UNC79: variants seen among roughly 807,000 people sequenced by gnomAD.
UNC79 encodes protein unc-79 homolog.
UNC79 carries 37 observed loss-of-function variants against 283.1 expected under a neutral mutation model. The ratio of observed to expected loss-of-function variants is 0.13; its 90% CI spans 0.10 to 0.17. The LOEUF is 0.17. UNC79 is among the 10% of genes least tolerant of loss of function. UNC79 has a pLI of 1.00. For synonymous variants in UNC79, 1,107 were observed against 1,200.2 expected (o/e 0.92, Z 1.61); for missense variants, 2,272 against 3,211.1 (o/e 0.71, Z 7.07).
intron 14 of UNC79, among the ~76,000 whole-genome samples, chr14:93,562,492 G>A (rs2062622613): frequency 6.6e-6 from 1 of 152,164 alleles, no homozygotes; most frequent in African/African-American, 2.4e-5. Context: ...CTCTAATTCT[G>A]AGAAGGGCAA....
chr14:93,653,946 C>G, exon 37 of UNC79: 1 of 1,614,130 alleles, frequency 6.2e-7, no homozygotes, highest in Non-Finnish European at 8.5e-7. Context: ...CCAGATGGGA[C>G]TTTTTTACGG....
intron 33 of UNC79, 79 bp from the exon 37 acceptor site, chr14:93,643,478 C>T (rs985329533): frequency 6.2e-7 from 1 of 1,606,180 alleles, no homozygotes; most frequent in Middle Eastern, 2.2e-4. Flanking sequence ...CTACTAAAAA[C>T]AGCCGTGTGT....
At chr14:93,449,997 G>A (rs574032569) in intron 1 of UNC79, among the ~76,000 whole-genome samples, 2 of 152,266 alleles carry the variant, frequency 1.3e-5, no homozygotes, top group African/African-American at 2.4e-5. Context: ...GAAGATGTGC[G>A]AAACAGTCTC....
chr14:93,671,161 T>G (rs2072807557), intron 40 of UNC79, among the ~76,000 whole-genome samples: 1 of 152,180 alleles, frequency 6.6e-6, no homozygotes, highest in African/African-American at 2.4e-5. Flanking sequence ...CAAAGATATA[T>G]TGCAGTGAGT....
chr14:93,523,576 C>T (rs1422232112), intron 7 of UNC79, among the ~76,000 whole-genome samples: 1 of 152,144 alleles, frequency 6.6e-6, no homozygotes, highest in Non-Finnish European at 1.5e-5. Flanking sequence ...TCTAGCTTAT[C>T]ATATACTAAC....
At chr14:93,616,366 CTTTTTTTT>C (rs71463917) in intron 27 of UNC79, among the ~76,000 whole-genome samples, 7 of 96,242 alleles carry the variant, frequency 7.3e-5, no homozygotes, top group African/African-American at 1.2e-4. Context: ...TTCTTTTTTC[CTTTTTTTT>C]TTTTTTTTTT....
intron 5 of UNC79, among the ~76,000 whole-genome samples, chr14:93,494,050 C>T (rs1056088504): frequency 6.6e-6 from 1 of 151,030 alleles, no homozygotes; most frequent in African/African-American, 2.4e-5. Context: ...ATTACAGGCA[C>T]CCACCACCAC....
intron 11 of UNC79, among the ~76,000 whole-genome samples, chr14:93,532,960 T>C (rs1408093547): frequency 6.6e-6 from 1 of 152,070 alleles, no homozygotes; most frequent in Non-Finnish European, 1.5e-5. Flanking sequence ...GTGCAAATAG[T>C]CCAATTTGTA....
chr14:93,477,774 T>C, intron 4 of UNC79, 46 bp downstream of exon 4: 6 of 1,562,994 alleles, frequency 3.8e-6, no homozygotes, highest in Non-Finnish European at 5.2e-6. Context: ...ATGTATGATA[T>C]GAATGGAAAT....
intron 7 of UNC79, among the ~76,000 whole-genome samples, chr14:93,517,694 C>T (rs998444122): frequency 2.2e-4 from 33 of 152,134 alleles, no homozygotes; most frequent in African/African-American, 7.5e-4. Context: ...CCCACCATTT[C>T]ATCTTTCTGT....
intron 14 of UNC79, among the ~76,000 whole-genome samples, chr14:93,568,263 G>T (rs2063012512): frequency 6.6e-6 from 1 of 152,210 alleles, no homozygotes. Flanking sequence ...ATGCGTGAAA[G>T]AATGCTCTAC....
intron 7 of UNC79, among the ~76,000 whole-genome samples, chr14:93,512,584 T>C (rs1204515564): frequency 1.3e-5 from 2 of 152,156 alleles, no homozygotes; most frequent in Non-Finnish European, 2.9e-5. Context: ...TACCTGTGCA[T>C]TAGTTTGGAT....
At chr14:93,675,834 G>T (rs991262783) in intron 41 of UNC79, among the ~76,000 whole-genome samples, 8 of 152,164 alleles carry the variant, frequency 5.3e-5, no homozygotes, top group Non-Finnish European at 7.3e-5. Flanking sequence ...TGGATGCAGG[G>T]CATGCTGTCA....
At chr14:93,379,697 G>A (rs2054627458) in intron 1 of UNC79, among the ~76,000 whole-genome samples, 1 of 146,514 alleles carries the variant, frequency 6.8e-6, no homozygotes, top group Non-Finnish European at 1.5e-5. Context: ...TGGACTTTGG[G>A]GACTGCAGGG....
chr14:93,364,703 AT>A (rs1338598915), intron 1 of UNC79, among the ~76,000 whole-genome samples: 21 of 151,472 alleles, frequency 1.4e-4, no homozygotes, highest in African/African-American at 5.1e-4. Flanking sequence ...CTTTATTGAG[AT>A]ATAATTTACA....
intron 1 of UNC79, among the ~76,000 whole-genome samples, chr14:93,453,839 T>G (rs2056718997): frequency 6.6e-6 from 1 of 152,256 alleles, no homozygotes; most frequent in Admixed American, 6.5e-5. Flanking sequence ...TGTATTAATT[T>G]CTTCATCACA....
chr14:93,667,506 A>G (rs1214436948), intron 40 of UNC79, among the ~76,000 whole-genome samples: 1 of 152,178 alleles, frequency 6.6e-6, no homozygotes, highest in Non-Finnish European at 1.5e-5. Flanking sequence ...AAAGAAAGAA[A>G]AAGAAGTAAC....
intron 29 of UNC79, chr14:93,620,897 G>T: frequency 1.9e-6 from 1 of 514,214 alleles, no homozygotes; most frequent in Non-Finnish European, 3.9e-6. Context: ...ATTAGAAGAA[G>T]ATAGTGTTTT....
intron 8 of UNC79, among the ~76,000 whole-genome samples, chr14:93,525,372 C>T (rs934424165): frequency 3.9e-5 from 6 of 151,966 alleles, no homozygotes; most frequent in Non-Finnish European, 5.9e-5. Flanking sequence ...TTACTTGAAC[C>T]AGGGAGGTGG....
Sources: allele counts gnomAD v4.1 joint callset (sites outside exome capture counted in the v4.1 genomes callset), GRCh38; gene constraint gnomAD v4.1.1; transcripts MANE v1.5; gene names NCBI Gene and HGNC (gene_info 2026-07-23, HGNC 2026-07-21).